The following RPL13 variants were observed in gnomAD, a reference collection of about 807,000 sequenced individuals.
RPL13 encodes ribosomal protein L13.
RPL13 carries 1 observed loss-of-function variant against 21.4 expected under a neutral mutation model. The ratio of observed to expected loss-of-function variants is 0.05; its 90% CI spans 0.02 to 0.22. RPL13 has a LOEUF of 0.22. Ranked by LOEUF, RPL13 falls within the 10% of genes least tolerant of loss-of-function variation. RPL13 has a pLI of 1.00. For synonymous variants in RPL13, 143 were observed against 120.5 expected (o/e 1.19, Z -1.23); for missense variants, 289 against 303.0 (o/e 0.95, Z 0.34).
At position 89,561,768 on chromosome 16, in the gene RPL13, C is replaced by T. The variant is rs1355166058; in HGVS notation, c.420+17C>T. ...GACAGTTCTGTGAGTACACGGCTCTCTGGCCGTCCTGGTGCGCGGGGACAG... is the reference window on the plus strand; with the variant it reads ...GACAGTTCTGTGAGTACACGGCTCTTTGGCCGTCCTGGTGCGCGGGGACAG... On this transcript the variant is annotated intron_variant, in intron 4 of 5. Transcript: ENST00000311528. 1.9e-6 allele frequency: 3 copies of T among 1,607,476 alleles called. No homozygotes were observed. The highest frequency in any genetic ancestry group is 2.7e-5 in the African/African-American group (2 of 74,820).
downstream of RPL13, chr16:89,565,307 G>C (rs991982650): frequency 4.6e-5 from 7 of 151,926 alleles, no homozygotes; most frequent in East Asian, 1.3e-3. Flanking sequence ...GCTGGGCTGG[G>C]CCGGGCTGCC....
intron 3 of RPL13, 104 bp from the exon 4 acceptor site, chr16:89,561,474 G>C: frequency 6.2e-7 from 1 of 1,612,122 alleles, no homozygotes. Flanking sequence ...CTTGATGAAA[G>C]CACATTTGAA....
intron 4 of RPL13, chr16:89,562,027 A>G (rs1038936347): frequency 1.0e-5 from 6 of 588,298 alleles, no homozygotes. Context: ...AAGACCTTGT[A>G]GGATAAGGTT....
chr16:89,562,084 C>A, intron 4 of RPL13: 1 of 587,090 alleles, frequency 1.7e-6, no homozygotes, highest in South Asian at 2.2e-5. Flanking sequence ...AATTAGGGAA[C>A]AGTTTTCTCT....
Position 89,563,055 on chromosome 16 carries a change from G to A in RPL13, c.*13G>A. The A allele has an allele frequency of 6.7e-7, 1 of 1,496,974 alleles. No homozygotes were observed. The allele number at this position is 1,496,974 out of a possible 1,614,324, so 92.7% of individuals were successfully genotyped here. ...AAAGAAAAAATAAAGCCCTCCTGGG[G>A]ACTTGGAATCAGTCGGCAGTCATGC... On this transcript the variant is annotated 3_prime_UTR_variant, in exon 6 of 6. Transcript: ENST00000311528.
rs1282552565 is a variant in RPL13, at chr16:89,564,445, C to G, written c.*1403C>G. 2 of 152,232 alleles carry G rather than the reference C, an allele frequency of 1.3e-5. No homozygotes were observed. Among genetic ancestry groups the G allele is most frequent in the African/African-American group, 4.8e-5 (2 of 41,438 alleles). 9.4% of individuals were successfully genotyped at this position (152,232 alleles called of 1,614,324 possible). A position where few individuals can be genotyped will look rare whatever the true frequency, so the allele number is the denominator to read the frequency against. ...TTAAGGTGGGCCGGGTGCAGTGGCT[C>G]ACGCCTGTAATCCTAACACTGGGAG... On this transcript the variant is annotated 3_prime_UTR_variant, in exon 6 of 6. Coordinates refer to ENST00000311528, the MANE Select transcript of RPL13 (RefSeq NM_000977.4).
intron 5 of RPL13, 141 bp downstream of exon 5, chr16:89,562,532 C>T (rs1312609876): frequency 1.4e-6 from 1 of 725,512 alleles, no homozygotes; most frequent in Non-Finnish European, 2.2e-6. Context: ...CGGAAAGGAA[C>T]ATTTCTTCTT....
chr16:89,562,102 C>G (rs2058749367), intron 4 of RPL13: 1 of 594,938 alleles, frequency 1.7e-6, no homozygotes, highest in Non-Finnish European at 2.9e-6. Context: ...TCTGCCCCGC[C>G]CGTGGTTCAC....
intron 4 of RPL13, 161 bp from the exon 5 acceptor site, chr16:89,562,174 A>G: frequency 1.5e-6 from 1 of 688,204 alleles, no homozygotes; most frequent in Non-Finnish European, 2.5e-6. Context: ...CCTAACTAAT[A>G]AGGACTGTTC....
chr16:89,562,110 C>T, intron 4 of RPL13: 1 of 601,720 alleles, frequency 1.7e-6, no homozygotes, highest in African/African-American at 1.9e-5. Context: ...GCCCGTGGTT[C>T]ACAGGTAGAT....
rs745801659 is a variant in RPL13, at chr16:89,561,191, G to A, written c.105-36G>A. On this transcript the variant is annotated intron_variant, in intron 2 of 5. Coordinates refer to ENST00000311528, the MANE Select transcript of RPL13 (RefSeq NM_000977.4). The stretch of plus-strand genomic sequence containing the variant: ...GCGGAGCGCTGGCCTGGCGGCCTTA[G>A]GCAAGGGTGACCGCCGCTGCGCTTC... 8 of 1,528,530 alleles carry A rather than the reference G, an allele frequency of 5.2e-6. No individual in the cohort carries two copies. The Admixed American group carries it at 1.4e-4, about 27-fold the overall frequency. 94.7% of individuals were successfully genotyped at this position (1,528,530 alleles called of 1,614,324 possible). A position where few individuals can be genotyped will look rare whatever the true frequency, so the allele number is the denominator to read the frequency against.
At chr16:89,562,132 G>A (rs1170828289) in intron 4 of RPL13, 1 of 620,334 alleles carries the variant, frequency 1.6e-6, no homozygotes. Flanking sequence ...ACTGTCTCGT[G>A]CGTGTTGCGT....
chr16:89,565,416 G>A (rs1459103972), downstream of RPL13: 1 of 152,284 alleles, frequency 6.6e-6, no homozygotes, highest in African/African-American at 2.4e-5. Flanking sequence ...GGCTGGGCAG[G>A]TGGGTGAGGC....
chr16:89,561,514 C>A (rs759441527), intron 3 of RPL13, 64 bp from the exon 4 acceptor site: 1 of 1,612,216 alleles, frequency 6.2e-7, no homozygotes. Context: ...TGAGGCTTTT[C>A]ATCCAGGCCT....
chr16:89,560,722 A>T lies in RPL13; in HGVS notation c.-21+10A>T, dbSNP rs1236601123. 8.6e-6 allele frequency: 4 copies of T among 464,698 alleles called. No homozygotes were observed. The highest frequency in any genetic ancestry group is 8.6e-5 in the Admixed American group (2 of 23,262). The allele number at this position is 464,698 out of a possible 1,614,324, so 28.8% of individuals were successfully genotyped here. On this transcript the variant is annotated intron_variant, in intron 1 of 5. Transcript: ENST00000311528. ...TTTTCCTGCGCAGGAGGTGAGGGAG[A>T]CTGGGTCCTGGCCTTTGGGCATCAT...
downstream of RPL13, chr16:89,565,443 C>T (rs940820258): frequency 1.3e-5 from 2 of 152,282 alleles, no homozygotes; most frequent in East Asian, 1.9e-4. Context: ...CCTGCTGACA[C>T]TCAGTCCTTG....
At chr16:89,562,166 T>C (rs1160604455) in intron 4 of RPL13, 169 bp from the exon 5 acceptor site, 11 of 668,370 alleles carry the variant, frequency 1.6e-5, no homozygotes, top group Non-Finnish European at 2.9e-5. Context: ...TATAGTCACC[T>C]AACTAATAAG....
rs1385505139 is a variant in RPL13 at position 89,563,828 on chromosome 16, T to C, written c.*786T>C. The C allele has an allele frequency of 6.6e-6, 1 of 152,272 alleles. No homozygotes were observed. Among genetic ancestry groups the C allele is most frequent in the African/African-American group, 2.4e-5 (1 of 41,460 alleles). 9.4% of individuals were successfully genotyped at this position (152,272 alleles called of 1,614,324 possible). A position where few individuals can be genotyped will look rare whatever the true frequency, so the allele number is the denominator to read the frequency against. On this transcript the variant is annotated 3_prime_UTR_variant, in exon 6 of 6. Transcript: ENST00000311528. ...GTTGTGCCCGGTAACCATGGTCCTC[T>C]TGCTCTGATTAACCCTTCCTTCAAT...
In RPL13 at chr16:89,563,725, C is replaced by G. The variant is rs2058762735; in HGVS notation, c.*683C>G. 1.3e-5 allele frequency: 2 copies of G among 152,216 alleles called. No homozygotes were observed. Among genetic ancestry groups the G allele is most frequent in the Non-Finnish European group, 2.9e-5 (2 of 68,054 alleles). The allele number at this position is 152,216 out of a possible 1,614,324, so 9.4% of individuals were successfully genotyped here. A position where few individuals can be genotyped will look rare whatever the true frequency, so the allele number is the denominator to read the frequency against. ...TATAGGCACGAGACCCTGCACCCAA[C>G]CTAGAGTTGCCTTTTTTAAGCAAAG... On this transcript the variant is annotated 3_prime_UTR_variant, in exon 6 of 6. Transcript: ENST00000311528.
Sources: allele counts gnomAD v4.1 joint callset, GRCh38; gene constraint gnomAD v4.1.1; transcripts MANE v1.5; gene names NCBI Gene and HGNC (gene_info 2026-07-23, HGNC 2026-07-21).